The following ERBB4 variants were observed in gnomAD, a reference collection of about 807,000 sequenced individuals.
ERBB4 encodes the protein erb-b2 receptor tyrosine kinase 4.
A neutral mutation model predicts 158.0 loss-of-function variants in ERBB4; 42 were observed. The ratio of observed to expected loss-of-function variants is 0.27; its 90% CI spans 0.21 to 0.34. The LOEUF is 0.34. ERBB4 is among the 10% of genes least tolerant of loss of function. The probability of loss-of-function intolerance (pLI) is 1.00; values close to 1 mark genes in which losing one functional copy is unlikely to be tolerated. For missense variants in ERBB4, 1,333 were observed against 1,624.1 expected (o/e 0.82, Z 3.08); for synonymous variants, 583 against 558.7 (o/e 1.04, Z -0.61).
Position 211,907,871 on chromosome 2 carries a change from C to A in ERBB4, c.421+39559G>T, listed in dbSNP as rs1009241798. 3.3e-5 allele frequency among the ~76,000 whole-genome samples: 5 copies of A among 151,582 alleles called. 1 individual carries two copies. The highest frequency in any genetic ancestry group is 5.9e-5 in the Non-Finnish European group (4 of 67,890). ...AGGTATTTAAGTTTGGGAGTTTAAG[C>A]TAAAAATCATTTTTGGAAGAATTAA... On this transcript the variant is annotated intron_variant, in intron 3 of 27. Coordinates refer to ENST00000342788, the MANE Select transcript of ERBB4 (RefSeq NM_005235.3).
At chr2:212,384,236 T>A (rs539940877) in intron 1 of ERBB4, among the ~76,000 whole-genome samples, 4 of 151,816 alleles carry the variant, frequency 2.6e-5, no homozygotes, top group African/African-American at 9.6e-5. Flanking sequence ...TAAGGACAGA[T>A]TGAGTTACAG....
chr2:212,064,053 CCCTG>C lies in ERBB4; in HGVS notation c.234+60695_234+60698del, dbSNP rs200784038. 8.3e-3 allele frequency among the ~76,000 whole-genome samples: 1,266 copies of C among 152,164 alleles called. 7 individuals carry two copies. The highest frequency in any genetic ancestry group is 0.012 in the Non-Finnish European group (829 of 67,994). ...ACACAATAGGAGCAGAAAAATCTTT[CCCTG>C]CCTGGAGAACAAGAAGGTCAAAAGA... On this transcript the variant is annotated intron_variant, in intron 2 of 27. Transcript: ENST00000342788.
At chr2:212,287,835 T>C (rs1013515825) in intron 1 of ERBB4, among the ~76,000 whole-genome samples, 4 of 152,100 alleles carry the variant, frequency 2.6e-5, no homozygotes, top group Non-Finnish European at 5.9e-5. Context: ...TTTTCACTTA[T>C]AAGTGGGAGT....
Position 212,446,591 on chromosome 2 carries a change from G to GTATA in ERBB4, c.82+91854_82+91857dup, listed in dbSNP as rs71057412. On this transcript the variant is annotated intron_variant, in intron 1 of 27. Transcript: ENST00000342788. ...TTAATAAACTCCCATATATATATATGTATATATATATATATATATATATAT... is the reference window on the plus strand; with the variant it reads ...TTAATAAACTCCCATATATATATATGTATATATATATATATATATATATATATAT... Among the ~76,000 whole-genome samples, 105 of 27,476 alleles carry GTATA rather than the reference G, an allele frequency of 3.8e-3. 4 individuals are homozygous for GTATA. The highest frequency in any genetic ancestry group is 8.5e-3 in the South Asian group (6 of 708). The allele number at this position is 27,476 out of a possible 152,430, so 18.0% of individuals were successfully genotyped here.
intron 15 of ERBB4, among the ~76,000 whole-genome samples, chr2:211,664,751 C>T (rs2071562131): frequency 6.6e-6 from 1 of 152,132 alleles, no homozygotes; most frequent in South Asian, 2.1e-4. Context: ...CAAAGAAATT[C>T]AAGGCTAAAG....
In ERBB4 at chr2:211,422,212, G is replaced by A. The variant is rs111633495; in HGVS notation, c.2867-108C>T. Reference sequence around the variant, plus strand: ...AAGTTTGAAAAATGTTGTTTTAATCGTAATGATCTGAGAAAGAAAGCAAGC... The same window carrying A: ...AAGTTTGAAAAATGTTGTTTTAATCATAATGATCTGAGAAAGAAAGCAAGC... On this transcript the variant is annotated intron_variant, in intron 23 of 27. Transcript: ENST00000342788. 3.9e-3 allele frequency: 2,520 copies of A among 644,652 alleles called. 40 individuals carry two copies. The African/African-American group carries it at 0.04, about 10-fold the overall frequency. The allele number at this position is 644,652 out of a possible 1,614,324, so 39.9% of individuals were successfully genotyped here.
intron 25 of ERBB4, among the ~76,000 whole-genome samples, chr2:211,413,181 T>C (rs2063301573): frequency 6.6e-6 from 1 of 151,008 alleles, no homozygotes; most frequent in Non-Finnish European, 1.5e-5. Context: ...TACACAACTA[T>C]AGTCTTAGCT....
At chr2:211,592,532 T>C (rs766160592) in intron 19 of ERBB4, among the ~76,000 whole-genome samples, 5 of 152,130 alleles carry the variant, frequency 3.3e-5, no homozygotes, top group East Asian at 1.9e-4. Context: ...CAGTGAATGA[T>C]TGATTGCTGC....
chr2:212,246,806 C>T (rs1477913676), intron 1 of ERBB4, among the ~76,000 whole-genome samples: 1 of 152,114 alleles, frequency 6.6e-6, no homozygotes, highest in Non-Finnish European at 1.5e-5. Context: ...ATATAGACAG[C>T]AGCACAGCTT....
intron 1 of ERBB4, among the ~76,000 whole-genome samples, chr2:212,513,814 AAAATAAATAAAT>A (rs144146912): frequency 6.6e-6 from 1 of 151,778 alleles, no homozygotes; most frequent in African/African-American, 2.4e-5. Context: ...TCCGTCTCAA[AAAATAAATAAAT>A]AAATAAATAA....
At chr2:211,511,976 C>T (rs906271280) in intron 20 of ERBB4, among the ~76,000 whole-genome samples, 2 of 151,990 alleles carry the variant, frequency 1.3e-5, no homozygotes. Context: ...CATTGTATAC[C>T]AGAGGGTACT....
At chr2:211,707,406 G>A (rs10210427) in intron 9 of ERBB4, among the ~76,000 whole-genome samples, 39,998 of 151,952 alleles carry the variant, frequency 0.26, 5,992 homozygotes, top group Non-Finnish European at 0.34. Context: ...AGAACACTAC[G>A]TCTACCGTGT....
At position 211,695,990 on chromosome 2, in the gene ERBB4, TCCTTC is replaced by T. The variant is rs370798883; in HGVS notation, c.1489+5972_1489+5976del. Among the ~76,000 whole-genome samples the T allele has an allele frequency of 1.0e-3, 153 of 150,992 alleles. 3 individuals carry two copies. In the South Asian group the frequency reaches 0.026, roughly 26 times the overall value. On this transcript the variant is annotated intron_variant, in intron 12 of 27. Coordinates refer to ENST00000342788, the MANE Select transcript of ERBB4 (RefSeq NM_005235.3). ...TTTTTATCCTTCCTTCCTTCCTCCCTCCTTCCCTTCCCTTCCTTCCTTCTTTCCTT... is the reference window on the plus strand; with the variant it reads ...TTTTTATCCTTCCTTCCTTCCTCCCTCCTTCCCTTCCTTCCTTCTTTCCTT...
intron 20 of ERBB4, among the ~76,000 whole-genome samples, chr2:211,521,028 G>A (rs929946932): frequency 4.6e-5 from 7 of 152,026 alleles, no homozygotes; most frequent in South Asian, 2.1e-4. Flanking sequence ...CTGACATACA[G>A]AAATGTTAAA....
chr2:211,673,596 C>T (rs189450808), intron 13 of ERBB4, among the ~76,000 whole-genome samples: 1 of 146,490 alleles, frequency 6.8e-6, no homozygotes, highest in East Asian at 2.0e-4. Context: ...TAGGGCTGTG[C>T]CTGTTTTGTC....
intron 2 of ERBB4, among the ~76,000 whole-genome samples, chr2:212,072,227 G>C (rs1247167465): frequency 1.3e-5 from 2 of 151,824 alleles, no homozygotes; most frequent in African/African-American, 4.8e-5. Context: ...TCCTCACCTG[G>C]GATTAAGAGG....
intron 16 of ERBB4, among the ~76,000 whole-genome samples, chr2:211,637,571 C>CT (rs544840917): frequency 5.3e-5 from 8 of 151,770 alleles, no homozygotes; most frequent in African/African-American, 1.7e-4. Context: ...AAACCAAAGG[C>CT]TTTTTTGATC....
intron 20 of ERBB4, among the ~76,000 whole-genome samples, chr2:211,542,660 G>C (rs2066840636): frequency 6.6e-6 from 1 of 151,980 alleles, no homozygotes; most frequent in Non-Finnish European, 1.5e-5. Flanking sequence ...GTTTGACTAA[G>C]AGTGGCCAGG....
At chr2:211,960,567 A>G (rs1188482191) in intron 2 of ERBB4, 1 of 152,068 alleles carries the variant, frequency 6.6e-6, no homozygotes, top group Non-Finnish European at 1.5e-5. Context: ...ATAGCAATTT[A>G]CCACAGACTG....
Sources: allele counts gnomAD v4.1 joint callset (sites outside exome capture counted in the v4.1 genomes callset), GRCh38; gene constraint gnomAD v4.1.1; transcripts MANE v1.5; gene names NCBI Gene and HGNC (gene_info 2026-07-23, HGNC 2026-07-21).